Variants in GPC5 observed in about 807,000 individuals in gnomAD.
The protein encoded by GPC5 is glypican 5.
In GPC5, 47 loss-of-function variants were observed where a neutral mutation model predicts 53.9. The observed-to-expected ratio is 0.87, with a 90% CI of 0.69 to 1.11. GPC5 has a LOEUF of 1.11. Among genes scored for constraint, GPC5 ranks in the 50% most tolerant of loss-of-function variants. The pLI is 0.00. For missense variants in GPC5, 748 were observed against 713.1 expected (o/e 1.05, Z -0.56); for synonymous variants, 286 against 263.3 (o/e 1.09, Z -0.84).
chr13:92,667,561 AGGAT>A (rs1455565233), intron 7 of GPC5, among the ~76,000 whole-genome samples: 1 of 152,082 alleles, frequency 6.6e-6, no homozygotes, highest in Non-Finnish European at 1.5e-5. Flanking sequence ...TAATTAAGAA[AGGAT>A]GGATCTTAGT....
chr13:91,710,780 T>G (rs181214602), intron 3 of GPC5, among the ~76,000 whole-genome samples: 1 of 152,344 alleles, frequency 6.6e-6, no homozygotes, highest in Non-Finnish European at 1.5e-5. Flanking sequence ...GTGGTTCATC[T>G]AAAGAAGTTT....
At chr13:92,491,230 T>A (rs1433213267) in intron 7 of GPC5, among the ~76,000 whole-genome samples, 1 of 152,104 alleles carries the variant, frequency 6.6e-6, no homozygotes, top group Non-Finnish European at 1.5e-5. Flanking sequence ...CTATTTTAAT[T>A]TGTTTTGAAA....
intron 7 of GPC5, among the ~76,000 whole-genome samples, chr13:92,189,991 G>T (rs1341466339): frequency 6.6e-6 from 1 of 152,130 alleles, no homozygotes; most frequent in Non-Finnish European, 1.5e-5. Context: ...CCAATTCACA[G>T]ATCCACGAAG....
At chr13:91,895,378 A>T (rs2039430527) in intron 5 of GPC5, among the ~76,000 whole-genome samples, 1 of 152,226 alleles carries the variant, frequency 6.6e-6, no homozygotes, top group African/African-American at 2.4e-5. Flanking sequence ...ATGGCTTATA[A>T]AGAAAAAATG....
At chr13:92,457,593 A>T (rs1337502695) in intron 7 of GPC5, among the ~76,000 whole-genome samples, 1 of 152,186 alleles carries the variant, frequency 6.6e-6, no homozygotes, top group Non-Finnish European at 1.5e-5. Context: ...ATCGAGGATA[A>T]TTATAGGATG....
intron 7 of GPC5, among the ~76,000 whole-genome samples, chr13:92,146,798 A>C (rs1490110622): frequency 2.0e-5 from 3 of 152,122 alleles, no homozygotes; most frequent in Non-Finnish European, 4.4e-5. Context: ...ACTTGGAATA[A>C]CGGTCTCCAA....
intron 2 of GPC5, among the ~76,000 whole-genome samples, chr13:91,487,249 G>T (rs949130090): frequency 2.6e-5 from 4 of 152,154 alleles, no homozygotes; most frequent in Non-Finnish European, 2.9e-5. Context: ...TCTTCTTCAC[G>T]GGGAGTGGGG....
intron 7 of GPC5, among the ~76,000 whole-genome samples, chr13:92,313,037 T>C (rs1566533752): frequency 6.6e-6 from 1 of 152,134 alleles, no homozygotes; most frequent in Non-Finnish European, 1.5e-5. Flanking sequence ...ATGATGGGGA[T>C]CACCTACTTA....
chr13:92,414,480 G>A (rs1375157019), intron 7 of GPC5, among the ~76,000 whole-genome samples: 3 of 150,208 alleles, frequency 2.0e-5, no homozygotes, highest in African/African-American at 7.4e-5. Context: ...ACTCCAGCCT[G>A]GGCGATAGAG....
intron 2 of GPC5, among the ~76,000 whole-genome samples, chr13:91,540,708 A>G (rs2029883115): frequency 6.6e-6 from 1 of 152,150 alleles, no homozygotes; most frequent in South Asian, 2.1e-4. Context: ...ACATTTGGAA[A>G]ATTTCTTCTT....
At chr13:92,658,333 A>G (rs1886208146) in intron 7 of GPC5, among the ~76,000 whole-genome samples, 1 of 152,216 alleles carries the variant, frequency 6.6e-6, no homozygotes, top group Non-Finnish European at 1.5e-5. Flanking sequence ...AAGACACAAT[A>G]CAAGGTGTAT....
At chr13:92,376,620 G>C (rs1230033711) in intron 7 of GPC5, among the ~76,000 whole-genome samples, 1 of 152,120 alleles carries the variant, frequency 6.6e-6, no homozygotes, top group Non-Finnish European at 1.5e-5. Flanking sequence ...GAGAGTTTAA[G>C]TTAATGACAG....
chr13:92,370,692 C>G (rs1282102433), intron 7 of GPC5, among the ~76,000 whole-genome samples: 3 of 152,086 alleles, frequency 2.0e-5, no homozygotes, highest in South Asian at 2.1e-4. Flanking sequence ...TAGAAGGCAA[C>G]TACTGTACAT....
At position 91,494,327 on chromosome 13, in the gene GPC5, C is replaced by CATT. The variant is rs765322041; in HGVS notation, c.325+45424_325+45426dup. Among the ~76,000 whole-genome samples, 59 of 98,066 alleles carry CATT rather than the reference C, an allele frequency of 6.0e-4. No homozygotes were observed. The East Asian group carries it at 8.0e-3, about 13-fold the overall frequency. 64.3% of individuals were successfully genotyped at this position (98,066 alleles called of 152,430 possible). On this transcript the variant is annotated intron_variant, in intron 2 of 7. Transcript: ENST00000377067. Reference sequence around the variant, plus strand: ...GAATTTTCCCCTTTCTCTCTGGCTCCATTATTATTATTATTATTATTTTTA... The same window carrying CATT: ...GAATTTTCCCCTTTCTCTCTGGCTCCATTATTATTATTATTATTATTATTTTTA...
At chr13:92,839,915 T>A (rs1878364282) in intron 7 of GPC5, among the ~76,000 whole-genome samples, 1 of 151,710 alleles carries the variant, frequency 6.6e-6, no homozygotes, top group Non-Finnish European at 1.5e-5. Flanking sequence ...TCCACTCAAG[T>A]TCCCTTGGAA....
At chr13:91,577,840 G>A (rs1466424866) in intron 2 of GPC5, among the ~76,000 whole-genome samples, 2 of 152,184 alleles carry the variant, frequency 1.3e-5, no homozygotes, top group Non-Finnish European at 2.9e-5. Flanking sequence ...GTGGCTATAT[G>A]TGGTGGTTTA....
At chr13:92,406,601 C>T (rs1875807111) in intron 7 of GPC5, among the ~76,000 whole-genome samples, 2 of 152,150 alleles carry the variant, frequency 1.3e-5, no homozygotes. Context: ...AAATCTAACA[C>T]ATAGAGGCCC....
At chr13:92,262,491 T>C (rs1290952290) in intron 7 of GPC5, among the ~76,000 whole-genome samples, 1 of 152,168 alleles carries the variant, frequency 6.6e-6, no homozygotes, top group African/African-American at 2.4e-5. Flanking sequence ...GTGAAGGAGT[T>C]TGAGCCAGGA....
intron 7 of GPC5, among the ~76,000 whole-genome samples, chr13:92,783,735 C>T (rs1876114580): frequency 6.6e-6 from 1 of 152,058 alleles, no homozygotes; most frequent in South Asian, 2.1e-4. Context: ...TTGCCCTTGT[C>T]TATTTTCCTA....
Sources: gnomAD v4.1 joint callset for allele counts (sites outside exome capture counted in the v4.1 genomes callset) on GRCh38, gnomAD v4.1.1 for gene constraint, MANE v1.5 for transcripts, NCBI Gene and HGNC (gene_info 2026-07-23, HGNC 2026-07-21) for gene names.